Variants in CAPRIN1 observed in about 807,000 individuals in gnomAD.
CAPRIN1 encodes cell cycle associated protein 1.
CAPRIN1 carries 29 observed loss-of-function variants against 100.9 expected under a neutral mutation model. The ratio of observed to expected loss-of-function variants is 0.29; its 90% CI spans 0.21 to 0.39. The LOEUF (loss-of-function observed/expected upper bound fraction) is 0.39. CAPRIN1 is among the 10% of genes least tolerant of loss of function. The probability of loss-of-function intolerance (pLI) is 1.00; values close to 1 mark genes in which losing one functional copy is unlikely to be tolerated. For synonymous variants in CAPRIN1, 338 were observed against 307.5 expected (o/e 1.10, Z -1.04); for missense variants, 795 against 876.7 (o/e 0.91, Z 1.18).
chr11:34,064,737 T>A (rs12364040), intron 2 of CAPRIN1, among the ~76,000 whole-genome samples: 151,050 of 152,266 alleles, frequency 0.99, 74,934 homozygotes, highest in East Asian at 1. Flanking sequence ...GGCAGTGGTA[T>A]GCCTTTGTTT....
chr11:34,101,323 T>C lies in CAPRIN1; in HGVS notation c.*1956T>C, dbSNP rs1851450434. ...CTTAGGGGAATGGATAAAATATTTG[T>C]GGTTTACTGGGTAATCCCTAGATGA... On this transcript the variant is annotated 3_prime_UTR_variant, in exon 19 of 19. Coordinates refer to ENST00000341394, the MANE Select transcript of CAPRIN1 (RefSeq NM_005898.5). 6.6e-6 allele frequency among the ~76,000 whole-genome samples: 1 copy of C among 152,182 alleles called. No homozygotes were observed.
Position 34,101,494 on chromosome 11 carries a change from C to A in CAPRIN1, c.*2127C>A, listed in dbSNP as rs1412501486. Reference sequence around the variant, plus strand: ...GAAGGGATGGGGGAGAAAATGCCTTCTAGGTTTTGAACTTCTATGCATTAG... The same window carrying A: ...GAAGGGATGGGGGAGAAAATGCCTTATAGGTTTTGAACTTCTATGCATTAG... On this transcript the variant is annotated 3_prime_UTR_variant, in exon 19 of 19. Coordinates refer to ENST00000341394, the MANE Select transcript of CAPRIN1 (RefSeq NM_005898.5). Among the ~76,000 whole-genome samples the A allele has an allele frequency of 6.6e-6, 1 of 152,146 alleles. No homozygotes were observed. The highest frequency in any genetic ancestry group is 1.5e-5 in the Non-Finnish European group (1 of 68,006).
chr11:34,090,683 G>A lies in CAPRIN1; in HGVS notation c.1554+5G>A, dbSNP rs768535772. 8 of 1,610,750 alleles carry A rather than the reference G, an allele frequency of 5.0e-6. No individual in the cohort carries two copies. In the South Asian group the frequency reaches 8.8e-5, roughly 18 times the overall value. The stretch of plus-strand genomic sequence containing the variant: ...CCATTCCAATCCATGCAAACGGTAA[G>A]CAAATTAACTAACATTAATTGCCTA... On this transcript the variant is annotated splice_donor_5th_base_variant and intron_variant, in intron 14 of 18. Transcript: ENST00000341394.
At position 34,086,004 on chromosome 11, in the gene CAPRIN1, G is replaced by A. The variant is rs1157699447; in HGVS notation, c.967-60G>A. 7 of 1,428,848 alleles carry A rather than the reference G, an allele frequency of 4.9e-6. No homozygotes were observed. In the East Asian group the frequency reaches 1.6e-4, roughly 32 times the overall value. 88.5% of individuals were successfully genotyped at this position (1,428,848 alleles called of 1,614,324 possible). On this transcript the variant is annotated intron_variant, in intron 9 of 18. Coordinates refer to ENST00000341394, the MANE Select transcript of CAPRIN1 (RefSeq NM_005898.5). ...TGTAGTGTGGGGGACCCATCATGGT[G>A]GTAGTGAGTGGAGCTTTTTTGCTCT...
At chr11:34,075,765 A>G (rs1478915354) in intron 4 of CAPRIN1, among the ~76,000 whole-genome samples, 1 of 152,182 alleles carries the variant, frequency 6.6e-6, no homozygotes, top group African/African-American at 2.4e-5. Context: ...AGGCCTTTAC[A>G]TTTCTGTATA....
intron 2 of CAPRIN1, among the ~76,000 whole-genome samples, chr11:34,060,742 A>T (rs1056535038): frequency 6.7e-6 from 1 of 148,628 alleles, no homozygotes; most frequent in African/African-American, 2.5e-5. Flanking sequence ...ATGTAGCAGG[A>T]GTCTGTGCTG....
At chr11:34,084,565 C>T (rs936897455) in intron 9 of CAPRIN1, among the ~76,000 whole-genome samples, 2 of 152,138 alleles carry the variant, frequency 1.3e-5, no homozygotes, top group African/African-American at 4.8e-5. Flanking sequence ...TCAAGTTGTG[C>T]CATGTATCTG....
rs2134142803 is a variant in CAPRIN1, at chr11:34,100,782, A to G, written c.*1415A>G. The G allele has an allele frequency of 6.5e-6, 1 of 152,756 alleles. No homozygotes were observed. The highest frequency in any genetic ancestry group is 6.5e-5 in the Admixed American group (1 of 15,290). 9.5% of individuals were successfully genotyped at this position (152,756 alleles called of 1,614,324 possible). A position where few individuals can be genotyped will look rare whatever the true frequency, so the allele number is the denominator to read the frequency against. ...GACTTAGCCTTATGTACTCTGTTGG[A>G]ATTTGTGCTAGCAGTTTGAGCACTA... On this transcript the variant is annotated 3_prime_UTR_variant, in exon 19 of 19. Transcript: ENST00000341394.
At chr11:34,097,547 A>G (rs964639124) in intron 17 of CAPRIN1, 151 bp from the exon 18 acceptor site, 1 of 806,726 alleles carries the variant, frequency 1.2e-6, no homozygotes, top group Non-Finnish European at 2.0e-6. Context: ...GAAGTACAAC[A>G]ATTACAGAAC....
In CAPRIN1 at chr11:34,051,739, G is replaced by A. The variant is rs1590712131; in HGVS notation, c.-133G>A. On this transcript the variant is annotated 5_prime_UTR_variant, in exon 1 of 19. Coordinates refer to ENST00000341394, the MANE Select transcript of CAPRIN1 (RefSeq NM_005898.5). ...GCTCCCGGCTCTCGCCTCACTAGGA[G>A]CGGCTCTCGGTGCAGCGGGACAGGG... 2 of 152,340 alleles carry A rather than the reference G, an allele frequency of 1.3e-5. No individual in the cohort carries two copies. The highest frequency in any genetic ancestry group is 4.1e-4 in the South Asian group (2 of 4,832). 9.4% of individuals were successfully genotyped at this position (152,340 alleles called of 1,614,324 possible). A position where few individuals can be genotyped will look rare whatever the true frequency, so the allele number is the denominator to read the frequency against.
At chr11:34,063,332 A>G (rs1353332519) in intron 2 of CAPRIN1, 1 of 152,196 alleles carries the variant, frequency 6.6e-6, no homozygotes, top group Non-Finnish European at 1.5e-5. Flanking sequence ...TAAGGCACAA[A>G]TGATTTTTCT....
intron 2 of CAPRIN1, among the ~76,000 whole-genome samples, chr11:34,060,218 AGCT>A (rs1389393451): frequency 1.3e-5 from 2 of 151,024 alleles, no homozygotes; most frequent in East Asian, 3.9e-4. Flanking sequence ...AAAAAAAAAA[AGCT>A]GGGTAGCATT....
At chr11:34,066,607 C>G (rs1327912465) in intron 2 of CAPRIN1, among the ~76,000 whole-genome samples, 1 of 151,658 alleles carries the variant, frequency 6.6e-6, no homozygotes, top group Non-Finnish European at 1.5e-5. Context: ...GCTGGAATTA[C>G]AGGCGTGAGC....
chr11:34,097,973 C>G (rs886822689), intron 18 of CAPRIN1: 169 of 1,286,988 alleles, frequency 1.3e-4, no homozygotes, highest in Non-Finnish European at 1.6e-4. Flanking sequence ...TATAAACTGT[C>G]TTGAAAACTA....
chr11:34,074,748 C>T (rs1237552824), intron 4 of CAPRIN1, among the ~76,000 whole-genome samples: 1 of 152,162 alleles, frequency 6.6e-6, no homozygotes, highest in East Asian at 1.9e-4. Context: ...CCGGGCTTGG[C>T]AGCACACACC....
chr11:34,067,084 C>G lies in CAPRIN1; in HGVS notation c.217-4642C>G, dbSNP rs137884800. ...AGCTGGGATTACAGGTTCATGCCACCACGCCCAGCTAATTTTTGTATTTTT... is the reference window on the plus strand; with the variant it reads ...AGCTGGGATTACAGGTTCATGCCACGACGCCCAGCTAATTTTTGTATTTTT... On this transcript the variant is annotated intron_variant, in intron 2 of 18. Coordinates refer to ENST00000341394, the MANE Select transcript of CAPRIN1 (RefSeq NM_005898.5). 6.1e-3 allele frequency among the ~76,000 whole-genome samples: 934 copies of G among 152,182 alleles called. 14 individuals are homozygous for G. The highest frequency in any genetic ancestry group is 0.021 in the African/African-American group (889 of 41,512).
At position 34,102,377 on chromosome 11, in the gene CAPRIN1, G is replaced by C. The variant is rs1236653367; in HGVS notation, c.*3010G>C. Reference sequence around the variant, plus strand: ...AGCTCCTGAATCTGCATTCCACTTGGGTTGTTTTTAAGCATTCTAAATTTT... The same window carrying C: ...AGCTCCTGAATCTGCATTCCACTTGCGTTGTTTTTAAGCATTCTAAATTTT... On this transcript the variant is annotated 3_prime_UTR_variant, in exon 19 of 19. Transcript: ENST00000341394. Among the ~76,000 whole-genome samples, 1 of 152,114 alleles carries C rather than the reference G, an allele frequency of 6.6e-6. No individual in the cohort carries two copies. Among genetic ancestry groups the C allele is most frequent in the Non-Finnish European group, 1.5e-5 (1 of 68,018 alleles).
intron 7 of CAPRIN1, among the ~76,000 whole-genome samples, chr11:34,080,581 C>G (rs1354590962): frequency 6.6e-6 from 1 of 152,188 alleles, no homozygotes; most frequent in African/African-American, 2.4e-5. Context: ...TAGCACAACA[C>G]TAATTATATA....
intron 14 of CAPRIN1, 46 bp downstream of exon 14, chr11:34,090,724 C>T: frequency 6.4e-7 from 1 of 1,555,488 alleles, no homozygotes; most frequent in Non-Finnish European, 8.8e-7. Context: ...TAATATGAAT[C>T]ATGGTAGATT....
Sources: allele counts gnomAD v4.1 joint callset (sites outside exome capture counted in the v4.1 genomes callset), GRCh38; gene constraint gnomAD v4.1.1; transcripts MANE v1.5; gene names NCBI Gene and HGNC (gene_info 2026-07-23, HGNC 2026-07-21).